The following IGSF21 variants were observed in gnomAD, a reference collection of about 807,000 sequenced individuals.
IGSF21 encodes immunoglobin superfamily member 21, also known as immunoglobulin superfamily member 21.
Under a neutral mutation model 46.8 loss-of-function variants are expected in IGSF21, and 28 were observed. That is an observed-to-expected ratio of 0.60 (90% confidence interval 0.44 to 0.82). The LOEUF (loss-of-function observed/expected upper bound fraction) is 0.82, where lower values mean the gene tolerates loss of function less well. Ranked by LOEUF, IGSF21 falls within the 40% of genes least tolerant of loss-of-function variation. The pLI, the probability that IGSF21 is intolerant of heterozygous loss-of-function variation, is 0.00. For synonymous variants in IGSF21, 284 were observed against 273.6 expected, an observed-to-expected ratio of 1.04 and a Z score of -0.38; for missense variants, 624 against 665.5, an observed-to-expected ratio of 0.94 and a Z score of 0.69.
chr1:18,166,560 C>T (rs923327421), intron 1 of IGSF21, among the ~76,000 whole-genome samples: 10 of 152,186 alleles, frequency 6.6e-5, no homozygotes, highest in Non-Finnish European at 2.9e-5. Flanking sequence ...ATCTCTAGAA[C>T]GCGTAGCTCC....
At chr1:18,117,594 T>G (rs1189186878) in intron 1 of IGSF21, among the ~76,000 whole-genome samples, 3 of 152,210 alleles carry the variant, frequency 2.0e-5, no homozygotes, top group African/African-American at 4.8e-5. Context: ...GGAGGCCATA[T>G]GCACAGTGGC....
chr1:18,261,115 GC>G (rs2084942954), intron 2 of IGSF21, among the ~76,000 whole-genome samples: 1 of 152,208 alleles, frequency 6.6e-6, no homozygotes, highest in African/African-American at 2.4e-5. Context: ...GGCCAACCCA[GC>G]TCTCTGTTCC....
intron 1 of IGSF21, among the ~76,000 whole-genome samples, chr1:18,181,131 C>G (rs1475316088): frequency 2.0e-5 from 3 of 152,216 alleles, no homozygotes; most frequent in African/African-American, 7.2e-5. Flanking sequence ...CTCCCCTCCT[C>G]CTAGTCCCCG....
At chr1:18,170,649 G>A (rs1015490337) in intron 1 of IGSF21, among the ~76,000 whole-genome samples, 1 of 151,980 alleles carries the variant, frequency 6.6e-6, no homozygotes, top group Admixed American at 6.6e-5. Context: ...TAAGCAACTT[G>A]CTCAAGTTGG....
intron 1 of IGSF21, among the ~76,000 whole-genome samples, chr1:18,152,147 A>C (rs1388262409): frequency 3.3e-5 from 5 of 152,250 alleles, no homozygotes; most frequent in Admixed American, 3.3e-4. Flanking sequence ...AGATGAACGA[A>C]TGAATTAACT....
chr1:18,255,378 A>G (rs1406241444), intron 2 of IGSF21, among the ~76,000 whole-genome samples: 1 of 152,114 alleles, frequency 6.6e-6, no homozygotes, highest in Non-Finnish European at 1.5e-5. Context: ...TTGTGCAGAG[A>G]GATGTGCCCT....
chr1:18,173,714 G>A (rs2086765236), intron 1 of IGSF21, among the ~76,000 whole-genome samples: 1 of 152,172 alleles, frequency 6.6e-6, no homozygotes, highest in African/African-American at 2.4e-5. Context: ...GTGGATTTGA[G>A]TTTTATTTTG....
At chr1:18,195,195 T>C (rs767654) in intron 1 of IGSF21, among the ~76,000 whole-genome samples, 48,474 of 152,006 alleles carry the variant, frequency 0.32, 7,941 homozygotes, top group South Asian at 0.37. Context: ...AGAAACTTAC[T>C]TAAGGCCACA....
At chr1:18,263,772 C>T (rs6694937) in intron 2 of IGSF21, among the ~76,000 whole-genome samples, 3,058 of 152,264 alleles carry the variant, frequency 0.02, 100 homozygotes, top group African/African-American at 0.069. Context: ...ACTGCATGCT[C>T]ATCCCCCCTG....
At position 18,365,771 on chromosome 1, in the gene IGSF21, C is replaced by G. The variant is rs1310332173; in HGVS notation, c.1015+74C>G. Reference sequence around the variant, plus strand: ...TGGGGAGAGCCTTGGAATAGGGTTCCTGGGCTGAGGACAGCCATGGAAAGG... The same window carrying G: ...TGGGGAGAGCCTTGGAATAGGGTTCGTGGGCTGAGGACAGCCATGGAAAGG... On this transcript the variant is annotated intron_variant, in intron 6 of 9. Transcript: ENST00000251296. The surrounding 1 kb of genome is among the most constrained non-coding windows in gnomAD (Gnocchi z 4.8). 7.8e-7 allele frequency: 1 copy of G among 1,289,944 alleles called. No individual in the cohort carries two copies. The highest frequency in any genetic ancestry group is 1.5e-5 in the African/African-American group (1 of 67,256). The allele number at this position is 1,289,944 out of a possible 1,614,324, so 79.9% of individuals were successfully genotyped here.
chr1:18,239,752 GC>G (rs746578184), intron 2 of IGSF21, among the ~76,000 whole-genome samples: 16 of 151,406 alleles, frequency 1.1e-4, no homozygotes, highest in South Asian at 2.1e-4. Context: ...CTTCAGTGTT[GC>G]CCCCCCTCCC....
At chr1:18,274,450 T>C (rs760747938) in intron 2 of IGSF21, among the ~76,000 whole-genome samples, 7 of 152,254 alleles carry the variant, frequency 4.6e-5, no homozygotes, top group Non-Finnish European at 7.3e-5. Context: ...AAGAGGGGCT[T>C]ATAAGCTAGA....
At chr1:18,208,686 C>T (rs778221549) in intron 1 of IGSF21, among the ~76,000 whole-genome samples, 7 of 151,354 alleles carry the variant, frequency 4.6e-5, no homozygotes, top group East Asian at 1.9e-4. Flanking sequence ...CATGAGCCAC[C>T]GTGCCCGGCC....
At chr1:18,315,194 G>A (rs376451674) in intron 3 of IGSF21, among the ~76,000 whole-genome samples, 2 of 152,076 alleles carry the variant, frequency 1.3e-5, no homozygotes, top group Non-Finnish European at 2.9e-5. Context: ...GTCTCATTTG[G>A]CCGCATGCAG....
chr1:18,186,784 C>T (rs2086906912), intron 1 of IGSF21, among the ~76,000 whole-genome samples: 1 of 152,148 alleles, frequency 6.6e-6, no homozygotes, highest in Non-Finnish European at 1.5e-5. Flanking sequence ...TTTCCTGCCC[C>T]CTGGAATTCT....
intron 1 of IGSF21, among the ~76,000 whole-genome samples, chr1:18,145,063 A>G (rs10907332): frequency 0.37 from 55,544 of 151,912 alleles, 10,675 homozygotes; most frequent in East Asian, 0.65. Flanking sequence ...AGATAATTTG[A>G]AGCGTTTAGA....
At chr1:18,367,603 C>CTTTTTTTTTTTTTTTTTTTTTTCT (rs35019096) in intron 6 of IGSF21, among the ~76,000 whole-genome samples, 1 of 73,952 alleles carries the variant, frequency 1.4e-5, no homozygotes, top group Non-Finnish European at 2.5e-5. Context: ...CTCTCTCTCT[C>CTTTTTTTTTTTTTTTTTTTTTTCT]TTTTTTTTTT....
chr1:18,364,859 AT>A (rs1557662326), intron 5 of IGSF21, among the ~76,000 whole-genome samples: 1 of 152,102 alleles, frequency 6.6e-6, no homozygotes, highest in Non-Finnish European at 1.5e-5. Context: ...GGTGGTTGCC[AT>A]GGTGTAGGCC....
intron 1 of IGSF21, among the ~76,000 whole-genome samples, chr1:18,181,301 C>T (rs1030867569): frequency 2.6e-5 from 4 of 152,212 alleles, no homozygotes; most frequent in Non-Finnish European, 5.9e-5. Context: ...AAGCCACTGC[C>T]CTGCTCGGCT....
Sources: allele counts gnomAD v4.1 joint callset (sites outside exome capture counted in the v4.1 genomes callset), GRCh38; gene constraint gnomAD v4.1.1; non-coding constraint Gnocchi (gnomAD v3.1); transcripts MANE v1.5; gene names NCBI Gene and HGNC (gene_info 2026-07-23, HGNC 2026-07-21).